The following MACROD2 variants were observed in gnomAD, a reference collection of about 807,000 sequenced individuals.
The protein encoded by MACROD2 is ADP-ribose glycohydrolase MACROD2.
In MACROD2, 36 loss-of-function variants were observed where a neutral mutation model predicts 70.4. The observed-to-expected ratio is 0.51, with a 90% CI of 0.39 to 0.68. MACROD2 has a LOEUF of 0.68. Among genes scored for constraint, MACROD2 ranks in the 30% least tolerant of loss-of-function variants. The probability of loss-of-function intolerance (pLI) is 0.00; values close to 1 mark genes in which losing one functional copy is unlikely to be tolerated. For missense variants in MACROD2, 496 were observed against 538.4 expected, an observed-to-expected ratio of 0.92 and a Z score of 0.78; for synonymous variants, 172 against 178.8, an observed-to-expected ratio of 0.96 and a Z score of 0.30.
At chr20:15,520,545 C>G (rs1343672041) in intron 8 of MACROD2, among the ~76,000 whole-genome samples, 2 of 152,066 alleles carry the variant, frequency 1.3e-5, no homozygotes, top group Non-Finnish European at 2.9e-5. Context: ...GTTTTTAAAG[C>G]TTAAGAGGAG....
intron 5 of MACROD2, among the ~76,000 whole-genome samples, chr20:15,219,125 CTCCCTA>C (rs2076836418): frequency 6.6e-6 from 1 of 152,156 alleles, no homozygotes; most frequent in Non-Finnish European, 1.5e-5. Context: ...ACAAATGATT[CTCCCTA>C]TGGAGTCGAA....
intron 8 of MACROD2, among the ~76,000 whole-genome samples, chr20:15,739,715 C>A (rs897274198): frequency 5.9e-5 from 9 of 152,080 alleles, no homozygotes; most frequent in Admixed American, 6.6e-5. Flanking sequence ...AATCAGAAGT[C>A]TGCTAAGCAA....
At chr20:15,150,276 G>T (rs1377459165) in intron 5 of MACROD2, among the ~76,000 whole-genome samples, 2 of 151,970 alleles carry the variant, frequency 1.3e-5, no homozygotes, top group African/African-American at 4.8e-5. Flanking sequence ...AGGCTGGGAC[G>T]AGGGGTGTAG....
chr20:15,567,253 AT>A (rs1327870964), intron 8 of MACROD2, among the ~76,000 whole-genome samples: 1 of 152,210 alleles, frequency 6.6e-6, no homozygotes, highest in Non-Finnish European at 1.5e-5. Context: ...TATGAATTAT[AT>A]AAAAATATTG....
intron 4 of MACROD2, among the ~76,000 whole-genome samples, chr20:14,603,160 T>C: frequency 6.6e-6 from 1 of 152,234 alleles, no homozygotes; most frequent in Non-Finnish European, 1.5e-5. Flanking sequence ...TTTATTTTTA[T>C]CTCTCCCATT....
At chr20:14,563,323 C>T (rs1022973240) in intron 4 of MACROD2, among the ~76,000 whole-genome samples, 49 of 151,804 alleles carry the variant, frequency 3.2e-4, no homozygotes, top group Non-Finnish European at 5.5e-4. Context: ...GGAGAAAGAA[C>T]GTCTCCAAAA....
intron 6 of MACROD2, among the ~76,000 whole-genome samples, chr20:15,304,680 T>C (rs1431237321): frequency 6.6e-6 from 1 of 152,162 alleles, no homozygotes; most frequent in Admixed American, 6.6e-5. Context: ...TCTAGCTCAC[T>C]GCAGACGACC....
At chr20:15,827,985 C>A in intron 8 of MACROD2, among the ~76,000 whole-genome samples, 1 of 152,250 alleles carries the variant, frequency 6.6e-6, no homozygotes, top group South Asian at 2.1e-4. Context: ...ACCTTAGAAT[C>A]TTTGTACATT....
intron 2 of MACROD2, among the ~76,000 whole-genome samples, chr20:14,039,798 G>A (rs1277051836): frequency 7.0e-6 from 1 of 142,418 alleles, no homozygotes; most frequent in Non-Finnish European, 1.6e-5. Context: ...GCTTGAATTT[G>A]CCATCTGTTT....
At chr20:15,938,610 C>G (rs963239501) in intron 12 of MACROD2, among the ~76,000 whole-genome samples, 1 of 152,046 alleles carries the variant, frequency 6.6e-6, no homozygotes, top group Non-Finnish European at 1.5e-5. Context: ...TTTCTCGGGC[C>G]TCCCTATCCC....
At chr20:15,607,152 C>T (rs995630327) in intron 8 of MACROD2, among the ~76,000 whole-genome samples, 4 of 152,118 alleles carry the variant, frequency 2.6e-5, no homozygotes, top group Non-Finnish European at 4.4e-5. Context: ...CTAATTGCTA[C>T]CAACAAAACA....
intron 15 of MACROD2, among the ~76,000 whole-genome samples, chr20:16,040,397 G>A (rs2067292222): frequency 6.6e-6 from 1 of 151,792 alleles, no homozygotes; most frequent in Non-Finnish European, 1.5e-5. Context: ...AAAATGTACA[G>A]GAATCATAAA....
At chr20:14,309,729 G>C (rs962888468) in intron 3 of MACROD2, among the ~76,000 whole-genome samples, 1 of 151,998 alleles carries the variant, frequency 6.6e-6, no homozygotes, top group African/African-American at 2.4e-5. Flanking sequence ...GTATTAACTC[G>C]TATCTTAAAC....
At chr20:14,990,515 CTTTTTTT>C (rs541686087) in intron 5 of MACROD2, among the ~76,000 whole-genome samples, 2 of 129,358 alleles carry the variant, frequency 1.5e-5, no homozygotes, top group African/African-American at 2.9e-5. Flanking sequence ...TTTTCTTTTT[CTTTTTTT>C]TTTTTTTTTG....
chr20:14,044,884 C>T (rs903071138), intron 2 of MACROD2, among the ~76,000 whole-genome samples: 15 of 152,184 alleles, frequency 9.9e-5, no homozygotes, highest in East Asian at 1.9e-4. Context: ...CAGGGAGTGG[C>T]GCTCGGGGAG....
intron 3 of MACROD2, among the ~76,000 whole-genome samples, chr20:14,362,122 C>T (rs2083227837): frequency 6.6e-6 from 1 of 152,176 alleles, no homozygotes. Flanking sequence ...TAAGATGTTA[C>T]TCAGGAGTAT....
At chr20:14,543,901 A>G (rs1458247493) in intron 4 of MACROD2, among the ~76,000 whole-genome samples, 1 of 152,172 alleles carries the variant, frequency 6.6e-6, no homozygotes, top group Non-Finnish European at 1.5e-5. Context: ...GTCTTATCAA[A>G]AAGAATTTCC....
At chr20:15,856,989 C>G (rs997748119) in intron 8 of MACROD2, among the ~76,000 whole-genome samples, 4 of 152,168 alleles carry the variant, frequency 2.6e-5, no homozygotes, top group African/African-American at 7.2e-5. Context: ...CATTGTTATT[C>G]TTTGTACTTC....
At chr20:14,564,376 A>G (rs1979637446) in intron 4 of MACROD2, among the ~76,000 whole-genome samples, 1 of 152,038 alleles carries the variant, frequency 6.6e-6, no homozygotes, top group South Asian at 2.1e-4. Context: ...AAGCTTCTGC[A>G]CAGCTAAAGA....
Sources: allele counts gnomAD v4.1 joint callset (sites outside exome capture counted in the v4.1 genomes callset), GRCh38; gene constraint gnomAD v4.1.1; transcripts MANE v1.5; gene names NCBI Gene and HGNC (gene_info 2026-07-23, HGNC 2026-07-21).